Variants in CMKLR1 observed in about 807,000 individuals in gnomAD.
CMKLR1 encodes chemerin-like receptor 1.
CMKLR1 carries 6 observed loss-of-function variants against 8.2 expected under a neutral mutation model. The observed-to-expected ratio is 0.73, with a 90% CI of 0.40 to 1.44. The LOEUF is 1.44. Ranked by LOEUF, CMKLR1 falls within the 40% of genes most tolerant of loss-of-function variation. CMKLR1 has a pLI of 0.02. For missense variants in CMKLR1, 429 were observed against 478.0 expected (o/e 0.90, Z 0.96); for synonymous variants, 178 against 181.2 (o/e 0.98, Z 0.14).
In CMKLR1 at chr12:108,329,586, C is replaced by T. The variant is rs577981843; in HGVS notation, c.-74+409G>A. ...ACAATAAGCACTTGGTAAAAATGGC[C>T]CAGTAGTCACTTACTGTTCTGAATG... On this transcript the variant is annotated intron_variant, in intron 2 of 3. Transcript: ENST00000550402. Among the ~76,000 whole-genome samples, 20 of 152,196 alleles carry T rather than the reference C, an allele frequency of 1.3e-4. No homozygotes were observed. The South Asian group carries it at 4.2e-3, about 32-fold the overall frequency.
intron 2 of CMKLR1, among the ~76,000 whole-genome samples, chr12:108,308,389 A>G (rs2137313220): frequency 6.6e-6 from 1 of 152,306 alleles, no homozygotes; most frequent in East Asian, 1.9e-4. Context: ...ATTTCTCAGG[A>G]CACAAGCCCC....
chr12:108,330,629 A>G (rs1270028842), intron 1 of CMKLR1, among the ~76,000 whole-genome samples: 1 of 152,220 alleles, frequency 6.6e-6, no homozygotes, highest in Non-Finnish European at 1.5e-5. Flanking sequence ...CCAGATTCAG[A>G]GGGAATCCAT....
intron 1 of CMKLR1, among the ~76,000 whole-genome samples, chr12:108,332,526 A>T (rs1480662887): frequency 6.6e-6 from 1 of 152,186 alleles, no homozygotes; most frequent in Non-Finnish European, 1.5e-5. Flanking sequence ...GGTGGGCACA[A>T]TCTAATTAGC....
chr12:108,294,310 C>G (rs1891070764), intron 2 of CMKLR1, among the ~76,000 whole-genome samples: 1 of 152,208 alleles, frequency 6.6e-6, no homozygotes, highest in Admixed American at 6.5e-5. Context: ...AAGACAGACA[C>G]AAATATATCC....
chr12:108,336,095 G>A (rs532902867), intron 1 of CMKLR1, among the ~76,000 whole-genome samples: 2 of 152,338 alleles, frequency 1.3e-5, no homozygotes, highest in South Asian at 4.1e-4. Flanking sequence ...CAAGACCCCA[G>A]TGTGAACAAA....
chr12:108,295,285 G>A (rs957799349), intron 2 of CMKLR1, among the ~76,000 whole-genome samples: 6 of 152,250 alleles, frequency 3.9e-5, no homozygotes, highest in Non-Finnish European at 8.8e-5. Flanking sequence ...AAGCATGCAG[G>A]CAGGGGCTGG....
chr12:108,326,423 A>G (rs11608460), intron 2 of CMKLR1, among the ~76,000 whole-genome samples: 55,308 of 152,118 alleles, frequency 0.36, 10,382 homozygotes, highest in Admixed American at 0.48. Context: ...CCTCAGTGTG[A>G]GTGAGTTTAT....
At chr12:108,314,488 CCAAA>C (rs1891666435) in intron 2 of CMKLR1, among the ~76,000 whole-genome samples, 1 of 152,204 alleles carries the variant, frequency 6.6e-6, no homozygotes, top group South Asian at 2.1e-4. Flanking sequence ...AAGGGAGGCT[CCAAA>C]CACTCACTGA....
At chr12:108,317,259 C>T (rs1192924386) in intron 2 of CMKLR1, among the ~76,000 whole-genome samples, 1 of 152,178 alleles carries the variant, frequency 6.6e-6, no homozygotes, top group Non-Finnish European at 1.5e-5. Context: ...GGGTTTCAGT[C>T]ATTATGTGCT....
intron 1 of CMKLR1, among the ~76,000 whole-genome samples, chr12:108,334,266 T>G (rs1892172074): frequency 6.6e-6 from 1 of 152,274 alleles, no homozygotes; most frequent in Admixed American, 6.5e-5. Flanking sequence ...TCTCCTCCCC[T>G]GAGGGCCTCA....
chr12:108,333,883 A>G (rs1027209134), intron 1 of CMKLR1, among the ~76,000 whole-genome samples: 2 of 152,254 alleles, frequency 1.3e-5, no homozygotes, highest in Non-Finnish European at 2.9e-5. Context: ...TAGAGGTTCT[A>G]AAAAGAAATA....
chr12:108,292,172 G>C lies in CMKLR1; in HGVS notation c.791C>G (p.Thr264Ser). 6.2e-7 allele frequency: 1 copy of C among 1,614,174 alleles called. No individual in the cohort carries two copies. Among genetic ancestry groups the C allele is most frequent in the South Asian group, 1.1e-5 (1 of 91,070 alleles). Residue 264 changes from threonine to serine, a missense_variant, in exon 4 of 4, where the codon ACC becomes AGC. Thr to Ser is a moderately conservative substitution (Grantham distance 58). Coordinates refer to ENST00000550402, the MANE Select transcript of CMKLR1 (RefSeq NM_001142343.2). ...KTKKPFKIIV[T>S]IIITFFLCWC... Reference sequence around the variant, plus strand: ...GCAGAGGAAGAAGGTAATGATGATGGTCACAATAATCTTGAAGGGCTTCTT... The same window carrying C: ...GCAGAGGAAGAAGGTAATGATGATGCTCACAATAATCTTGAAGGGCTTCTT...
intron 2 of CMKLR1, among the ~76,000 whole-genome samples, chr12:108,296,320 G>A (rs1422423310): frequency 6.6e-6 from 1 of 152,218 alleles, no homozygotes; most frequent in Non-Finnish European, 1.5e-5. Context: ...ATAAGAAGAT[G>A]GTTGTGAGGA....
At chr12:108,316,997 T>G (rs1050339802) in intron 2 of CMKLR1, among the ~76,000 whole-genome samples, 1 of 152,140 alleles carries the variant, frequency 6.6e-6, no homozygotes. Context: ...GAGATGGGGT[T>G]TCGCCATGTT....
Position 108,290,278 on chromosome 12 carries a change from A to G in CMKLR1, c.*1563T>C, listed in dbSNP as rs1214399756. 1 of 152,196 alleles carries G rather than the reference A, an allele frequency of 6.6e-6. No individual in the cohort carries two copies. The highest frequency in any genetic ancestry group is 1.5e-5 in the Non-Finnish European group (1 of 68,034). 9.4% of individuals were successfully genotyped at this position (152,196 alleles called of 1,614,324 possible). On this transcript the variant is annotated 3_prime_UTR_variant, in exon 4 of 4. Coordinates refer to ENST00000550402, the MANE Select transcript of CMKLR1 (RefSeq NM_001142343.2). ...CTGCAGCCTCATTTGAGCCAGGCAA[A>G]CTGAAGTTCAAATCCAAGCTCCGGC...
At chr12:108,310,002 A>G (rs1385407659) in intron 2 of CMKLR1, among the ~76,000 whole-genome samples, 1 of 152,184 alleles carries the variant, frequency 6.6e-6, no homozygotes, top group African/African-American at 2.4e-5. Context: ...CTGGCTCTGC[A>G]CAAAGTAAAG....
Position 108,291,941 on chromosome 12 carries a change from T to G in CMKLR1, c.1022A>C (p.Asp341Ala), listed in dbSNP as rs1399580085. Reference protein sequence around the residue: ...FSRLVNALSEDTGHSSYPSHR... With the variant: ...FSRLVNALSEATGHSSYPSHR... ...GCTGGGGTAGGAAGAGTGGCCTGTA[T>G]CTTCACTTAGAGCATTGACCAGGCG... Residue 341 changes from aspartate (D) to alanine (A), a missense_variant, in exon 4 of 4, where the codon GAT (aspartate) becomes GCT (alanine). Transcript: ENST00000550402. The G allele has an allele frequency of 1.8e-5, 29 of 1,614,042 alleles. No individual in the cohort carries two copies. Among genetic ancestry groups the G allele is most frequent in the Non-Finnish European group, 2.4e-5 (28 of 1,180,028 alleles).
intron 2 of CMKLR1, among the ~76,000 whole-genome samples, chr12:108,301,688 G>C (rs1891279834): frequency 6.6e-6 from 1 of 152,220 alleles, no homozygotes; most frequent in Admixed American, 6.5e-5. Context: ...ACCTTGCAAA[G>C]GGGGTGTATC....
At position 108,290,529 on chromosome 12, in the gene CMKLR1, T is replaced by C. The variant is rs1374811945; in HGVS notation, c.*1312A>G. ...ATTCCAAATAGAAGAACAGAGTTTC[T>C]GGAGCCAGACGGAGCCAGGTTCAGA... On this transcript the variant is annotated 3_prime_UTR_variant, in exon 4 of 4. Coordinates refer to ENST00000550402, the MANE Select transcript of CMKLR1 (RefSeq NM_001142343.2). 1 of 152,266 alleles carries C rather than the reference T, an allele frequency of 6.6e-6. No individual in the cohort carries two copies. The highest frequency in any genetic ancestry group is 1.5e-5 in the Non-Finnish European group (1 of 68,048). 9.4% of individuals were successfully genotyped at this position (152,266 alleles called of 1,614,324 possible). A position where few individuals can be genotyped will look rare whatever the true frequency, so the allele number is the denominator to read the frequency against.
Sources: allele counts gnomAD v4.1 joint callset (sites outside exome capture counted in the v4.1 genomes callset), GRCh38; gene constraint gnomAD v4.1.1; transcripts MANE v1.5; gene names NCBI Gene and HGNC (gene_info 2026-07-23, HGNC 2026-07-21).